TOR2A: variants seen among roughly 807,000 people sequenced by gnomAD.
The protein encoded by TOR2A is prosalusin.
In TOR2A, 24 loss-of-function variants were observed where a neutral mutation model predicts 28.6. The observed-to-expected ratio is 0.84, with a 90% CI of 0.61 to 1.18. The LOEUF (loss-of-function observed/expected upper bound fraction) is 1.18. Among genes scored for constraint, TOR2A ranks in the 50% most tolerant of loss-of-function variants. The pLI, the probability that TOR2A is intolerant of heterozygous loss-of-function variation, is 0.00. For synonymous variants in TOR2A, 203 were observed against 203.1 expected (o/e 1.00, Z 0.00); for missense variants, 426 against 448.1 (o/e 0.95, Z 0.45).
chr9:127,734,876 C>A, intron 1 of TOR2A: 1 of 587,554 alleles, frequency 1.7e-6, no homozygotes, highest in Non-Finnish European at 2.7e-6. Flanking sequence ...CCAGGCCATT[C>A]CGGGGAGGCC....
At position 127,732,352 on chromosome 9, in the gene TOR2A, G is replaced by T. The variant is rs974630179; in HGVS notation, c.722-74C>A. The T allele has an allele frequency of 4.0e-6, 6 of 1,505,524 alleles. No homozygotes were observed. In the Admixed American group the frequency reaches 1.4e-4, roughly 34 times the overall value. The allele number at this position is 1,505,524 out of a possible 1,614,324, so 93.3% of individuals were successfully genotyped here. On this transcript the variant is annotated intron_variant, in intron 4 of 4. Coordinates refer to ENST00000373284, the MANE Select transcript of TOR2A (RefSeq NM_001085347.3). ...AGAAGCCGGCCCCAAACCCCCAGGG[G>T]CAGGAGGAAAAATGCTGGCCTCAGT...
chr9:127,732,563 C>T lies in TOR2A; in HGVS notation c.721+1G>A, dbSNP rs200609209. 36 of 1,582,888 alleles carry T rather than the reference C, an allele frequency of 2.3e-5. No homozygotes were observed. Among genetic ancestry groups the T allele is most frequent in the African/African-American group, 1.7e-4 (13 of 74,760 alleles). On this transcript the variant is annotated splice_donor_variant, in intron 4 of 4. Transcript: ENST00000373284. LOFTEE classifies it high-confidence loss of function. The stretch of plus-strand genomic sequence containing the variant: ...GGAGGGGGCTGCTGAGCCAGACTCA[C>T]GGTGCGGGTTGTCCAGCACCGCGCG...
At chr9:127,735,085 G>T (rs1351830504) in intron 1 of TOR2A, 35 bp downstream of exon 1, 5 of 1,411,170 alleles carry the variant, frequency 3.5e-6, no homozygotes, top group Admixed American at 3.2e-5. Context: ...GCCCGCGTCC[G>T]CCCGCCCCTC....
intron 1 of TOR2A, 147 bp from the exon 2 acceptor site, chr9:127,734,711 T>G: frequency 9.5e-7 from 1 of 1,049,162 alleles, no homozygotes; most frequent in South Asian, 2.6e-5. Flanking sequence ...TTGGGGTCTG[T>G]GGCGGAAAAG....
At position 127,734,375 on chromosome 9, in the gene TOR2A, C is replaced by T; in HGVS notation, c.341G>A (p.Gly114Asp). 1 of 1,612,356 alleles carries T rather than the reference C, an allele frequency of 6.2e-7. No homozygotes were observed. Among genetic ancestry groups the T allele is most frequent in the Non-Finnish European group, 8.5e-7 (1 of 1,179,656 alleles). Residue 114 changes from glycine (G) to aspartate (D), a missense_variant, in exon 2 of 5, where the codon GGC becomes GAC. Physicochemically the swap from Gly to Asp is moderately conservative, Grantham distance 94. Coordinates refer to ENST00000373284, the MANE Select transcript of TOR2A (RefSeq NM_001085347.3). ...SLLAHYLFQG[G>D]LRSPRVHHFS... ...GTGGTGCACGCGGGGGCTGCGGAGG[C>T]CGCCCTGGAAGAGGTAGTGCGCCAG... is the stretch of plus-strand genomic sequence containing the variant.
intron 1 of TOR2A, chr9:127,734,901 A>G (rs72752823): frequency 0.17 from 109,160 of 655,050 alleles, 9,975 homozygotes; most frequent in South Asian, 0.28. Flanking sequence ...AACTTCCACC[A>G]AGGGTTCTGC....
rs1390234174 is a variant in TOR2A, at chr9:127,731,599, G to A, written c.*435C>T. The A allele has an allele frequency of 7.1e-6, 9 of 1,272,304 alleles. No individual in the cohort carries two copies. The South Asian group carries it at 1.5e-4, about 22-fold the overall frequency. The allele number at this position is 1,272,304 out of a possible 1,614,324, so 78.8% of individuals were successfully genotyped here. Reference sequence around the variant, plus strand: ...AAACATCTAAAACCAGGCCCAAGTGGCAGCTTGAGTCCCTCCATTTCTGGA... The same window carrying A: ...AAACATCTAAAACCAGGCCCAAGTGACAGCTTGAGTCCCTCCATTTCTGGA... On this transcript the variant is annotated 3_prime_UTR_variant, in exon 5 of 5. Transcript: ENST00000373284.
Position 127,732,565 on chromosome 9 carries a change from G to A in TOR2A, c.720C>T (p.His240=), listed in dbSNP as rs749269975. The change falls in exon 4 of 5, where the codon CAC becomes CAT. Residue 240 remains histidine (H), a splice_region_variant and synonymous_variant. Coordinates refer to ENST00000373284, the MANE Select transcript of TOR2A (RefSeq NM_001085347.3). ...AGGGGGCTGCTGAGCCAGACTCACG[G>A]TGCGGGTTGTCCAGCACCGCGCGGG... is the stretch of plus-strand genomic sequence containing the variant. ...VISRAVLDNP[H]HGFSNSGIME... The A allele has an allele frequency of 2.5e-6, 4 of 1,584,760 alleles. No homozygotes were observed. In the African/African-American group the frequency reaches 4.0e-5, roughly 16 times the overall value.
chr9:127,732,640 G>A lies in TOR2A; in HGVS notation c.645C>T (p.Ser215=). ...INQVALEAWR[S]RRDREEILLQ... ...GGAGGATCTCCTCGCGGTCCCGCCGGCTGCGCCACGCCTCCAATGCCACCT... is the reference window on the plus strand; with the variant it reads ...GGAGGATCTCCTCGCGGTCCCGCCGACTGCGCCACGCCTCCAATGCCACCT... Residue 215 remains serine, a synonymous_variant, in exon 4 of 5, where the codon AGC becomes AGT. Coordinates refer to ENST00000373284, the MANE Select transcript of TOR2A (RefSeq NM_001085347.3). 1.3e-6 allele frequency: 2 copies of A among 1,571,694 alleles called. No individual in the cohort carries two copies. The highest frequency in any genetic ancestry group is 2.3e-5 in the East Asian group (1 of 42,852).
intron 4 of TOR2A, 120 bp from the exon 5 acceptor site, chr9:127,732,398 T>G: frequency 6.9e-7 from 1 of 1,458,312 alleles, no homozygotes; most frequent in Non-Finnish European, 9.0e-7. Context: ...GCCTTCTGGG[T>G]GTAGGACTCA....
Position 127,732,630 on chromosome 9 carries a change from G to T in TOR2A, c.655C>A (p.Arg219Ser). The change falls in exon 4 of 5, where the codon CGC (arginine) becomes AGC (serine). Residue 219 changes from arginine (R) to serine (S), a missense_variant. Coordinates refer to ENST00000373284, the MANE Select transcript of TOR2A (RefSeq NM_001085347.3). ...ALEAWRSRRD[R>S]EEILLQELEP... Reference sequence around the variant, plus strand: ...AGCTCCTGCAGGAGGATCTCCTCGCGGTCCCGCCGGCTGCGCCACGCCTCC... The same window carrying T: ...AGCTCCTGCAGGAGGATCTCCTCGCTGTCCCGCCGGCTGCGCCACGCCTCC... 6.4e-7 allele frequency: 1 copy of T among 1,574,698 alleles called. No individual in the cohort carries two copies. The highest frequency in any genetic ancestry group is 1.2e-5 in the South Asian group (1 of 85,988).
Position 127,731,804 on chromosome 9 carries a change from T to G in TOR2A, c.*230A>C. ...AGAAGGCTCAGGCTGCAGGGGGAGG[T>G]CAAGGCTCAGTGAGGTTCTGGGGTG... On this transcript the variant is annotated 3_prime_UTR_variant, in exon 5 of 5. Coordinates refer to ENST00000373284, the MANE Select transcript of TOR2A (RefSeq NM_001085347.3). 1 of 868,908 alleles carries G rather than the reference T, an allele frequency of 1.2e-6. No individual in the cohort carries two copies. The highest frequency in any genetic ancestry group is 1.7e-6 in the Non-Finnish European group (1 of 597,010). The allele number at this position is 868,908 out of a possible 1,614,324, so 53.8% of individuals were successfully genotyped here.
In TOR2A at chr9:127,731,538, T is replaced by C. The variant is rs1401866894; in HGVS notation, c.*496A>G. 6.9e-7 allele frequency: 1 copy of C among 1,450,684 alleles called. No individual in the cohort carries two copies. The highest frequency in any genetic ancestry group is 2.4e-5 in the East Asian group (1 of 40,986). The allele number at this position is 1,450,684 out of a possible 1,614,324, so 89.9% of individuals were successfully genotyped here. A position where few individuals can be genotyped will look rare whatever the true frequency, so the allele number is the denominator to read the frequency against. ...AGCAACAGTCCTCTGGTCCCACAGC[T>C]GAGTTTATTATACTTGTTTTCTTTT... On this transcript the variant is annotated 3_prime_UTR_variant, in exon 5 of 5. Transcript: ENST00000373284.
At chr9:127,734,997 T>A in intron 1 of TOR2A, 123 bp downstream of exon 1, 3 of 1,291,728 alleles carry the variant, frequency 2.3e-6, no homozygotes, top group Middle Eastern at 2.9e-4. Flanking sequence ...GCCCCGCCCC[T>A]CGGTCCCACC....
chr9:127,733,891 C>A (rs1844575746), intron 2 of TOR2A: 1 of 428,228 alleles, frequency 2.3e-6, no homozygotes, highest in Non-Finnish European at 4.2e-6. Context: ...TGAAACTGAT[C>A]AGCCTGGTGG....
At position 127,731,878 on chromosome 9, in the gene TOR2A, C is replaced by G. The variant is rs1481634396; in HGVS notation, c.*156G>C. 5 of 1,437,320 alleles carry G rather than the reference C, an allele frequency of 3.5e-6. No individual in the cohort carries two copies. The highest frequency in any genetic ancestry group is 4.6e-6 in the Non-Finnish European group (5 of 1,086,752). 89.0% of individuals were successfully genotyped at this position (1,437,320 alleles called of 1,614,324 possible). A position where few individuals can be genotyped will look rare whatever the true frequency, so the allele number is the denominator to read the frequency against. ...TGGCCGGGGCCAAGATGCTCTCGAG[C>G]CAGTTTAGAGGCCAGGGCCCTTCCT... On this transcript the variant is annotated 3_prime_UTR_variant, in exon 5 of 5. Transcript: ENST00000373284.
intron 2 of TOR2A, chr9:127,733,771 C>G: frequency 1.7e-6 from 1 of 579,726 alleles, no homozygotes; most frequent in Non-Finnish European, 3.0e-6. Flanking sequence ...GGGACTCAAA[C>G]CCAAGCCTCC....
chr9:127,732,513 C>G, intron 4 of TOR2A, 51 bp downstream of exon 4: 1 of 1,529,550 alleles, frequency 6.5e-7, no homozygotes, highest in South Asian at 1.2e-5. Flanking sequence ...GAGCCTGGCC[C>G]CTGGGTGTGG....
Position 127,731,843 on chromosome 9 carries a change from C to G in TOR2A, c.*191G>C. ...GGTTCTGGGGTGACCAGGGGTTTCC[C>G]TGGGGAAGGTGGCCGGGGCCAAGAT... is the stretch of plus-strand genomic sequence containing the variant. On this transcript the variant is annotated 3_prime_UTR_variant, in exon 5 of 5. Coordinates refer to ENST00000373284, the MANE Select transcript of TOR2A (RefSeq NM_001085347.3). The G allele has an allele frequency of 8.0e-7, 1 of 1,246,086 alleles. No homozygotes were observed. Among genetic ancestry groups the G allele is most frequent in the East Asian group, 2.6e-5 (1 of 38,354 alleles). 77.2% of individuals were successfully genotyped at this position (1,246,086 alleles called of 1,614,324 possible).
Sources: allele counts gnomAD v4.1 joint callset, GRCh38; gene constraint gnomAD v4.1.1; transcripts MANE v1.5; gene names NCBI Gene and HGNC (gene_info 2026-07-23, HGNC 2026-07-21).